The following BMPR1B variants were observed in gnomAD, a reference collection of about 807,000 sequenced individuals.
BMPR1B encodes the protein bone morphogenetic protein receptor type 1B.
BMPR1B carries 12 observed loss-of-function variants against 59.1 expected under a neutral mutation model. That is an observed-to-expected ratio of 0.20 (90% CI 0.13 to 0.33). The LOEUF (loss-of-function observed/expected upper bound fraction) is 0.33. BMPR1B is among the 10% of genes least tolerant of loss of function. The pLI is 1.00. For missense variants in BMPR1B, 550 were observed against 610.9 expected (o/e 0.90, Z 1.05); for synonymous variants, 237 against 207.3 (o/e 1.14, Z -1.23).
chr4:95,108,344 G>T lies in BMPR1B; in HGVS notation c.143+3777G>T, dbSNP rs1731340988. The stretch of plus-strand genomic sequence containing the variant: ...GTTGTATTTTCTAATGTGTACCTTA[G>T]AAAAGGGCTGGTCTAAATTGTCTGG... On this transcript the variant is annotated intron_variant, in intron 4 of 12. Coordinates refer to ENST00000515059, the MANE Select transcript of BMPR1B (RefSeq NM_001203.3). Among the ~76,000 whole-genome samples, 3 of 152,062 alleles carry T rather than the reference G, an allele frequency of 2.0e-5. No homozygotes were observed. The South Asian group carries it at 6.2e-4, about 32-fold the overall frequency.
intron 1 of BMPR1B, among the ~76,000 whole-genome samples, chr4:94,795,994 T>C (rs939933528): frequency 1.3e-5 from 2 of 151,408 alleles, no homozygotes; most frequent in African/African-American, 4.9e-5. Context: ...AGATGGAGTC[T>C]CCGTCTGTCT....
At chr4:95,131,017 A>G (rs1456860948) in intron 9 of BMPR1B, among the ~76,000 whole-genome samples, 198 bp from the exon 10 acceptor site, 2 of 152,078 alleles carry the variant, frequency 1.3e-5, no homozygotes, top group Admixed American at 6.6e-5. Context: ...GGTGTGAGCC[A>G]CTGTGCCTAG....
At chr4:94,931,907 G>A (rs1329308890) in intron 2 of BMPR1B, among the ~76,000 whole-genome samples, 1 of 151,972 alleles carries the variant, frequency 6.6e-6, no homozygotes, top group Non-Finnish European at 1.5e-5. Context: ...GTGGGGGAGT[G>A]TGAGGTGGAA....
chr4:94,885,769 G>C (rs868842025), intron 2 of BMPR1B, among the ~76,000 whole-genome samples: 1 of 151,964 alleles, frequency 6.6e-6, no homozygotes. Flanking sequence ...AAAACATATT[G>C]CTGACCTGGA....
At chr4:94,942,132 T>C (rs1165003800) in intron 2 of BMPR1B, among the ~76,000 whole-genome samples, 1 of 152,218 alleles carries the variant, frequency 6.6e-6, no homozygotes, top group Admixed American at 6.5e-5. Context: ...ATAAGTGGGA[T>C]TTTCCTTTAA....
chr4:95,015,266 A>G (rs1723506940), intron 3 of BMPR1B, among the ~76,000 whole-genome samples: 1 of 152,130 alleles, frequency 6.6e-6, no homozygotes, highest in African/African-American at 2.4e-5. Context: ...AGTAGTAAAA[A>G]TTTTCAATCG....
intron 5 of BMPR1B, among the ~76,000 whole-genome samples, chr4:95,115,087 A>G (rs1002263429): frequency 3.9e-5 from 6 of 152,118 alleles, no homozygotes; most frequent in Admixed American, 1.3e-4. Context: ...CTACAGTATT[A>G]AGTTCAGTGA....
intron 2 of BMPR1B, among the ~76,000 whole-genome samples, chr4:94,956,668 T>C (rs921930907): frequency 5.3e-5 from 8 of 152,206 alleles, no homozygotes. Context: ...TTAACAACTT[T>C]AACAGATTTA....
chr4:95,012,172 A>G (rs1455358102), intron 3 of BMPR1B, among the ~76,000 whole-genome samples: 1 of 152,230 alleles, frequency 6.6e-6, no homozygotes, highest in Admixed American at 6.5e-5. Context: ...TTGCTCTTTA[A>G]TCATAAATAC....
At position 94,857,185 on chromosome 4, in the gene BMPR1B, A is replaced by G. The variant is rs530697956; in HGVS notation, c.-182-18646A>G. Among the ~76,000 whole-genome samples, 3 of 152,326 alleles carry G rather than the reference A, an allele frequency of 2.0e-5. No homozygotes were observed. In the East Asian group the frequency reaches 5.8e-4, roughly 29 times the overall value. ...AAGATAAATGCAAATGTCTGATAAA[A>G]TATGAAAAAAAGGCCTTACTCTTAT... is the stretch of plus-strand genomic sequence containing the variant. On this transcript the variant is annotated intron_variant, in intron 1 of 12. Transcript: ENST00000515059.
At chr4:94,981,178 G>A (rs1721056540) in intron 2 of BMPR1B, among the ~76,000 whole-genome samples, 1 of 149,840 alleles carries the variant, frequency 6.7e-6, no homozygotes, top group South Asian at 2.1e-4. Flanking sequence ...CTTTGGGTAG[G>A]TAAATAATGG....
rs114666817 is a variant in BMPR1B at position 95,070,930 on chromosome 4, A to G, written c.-17-33478A>G. On this transcript the variant is annotated intron_variant, in intron 3 of 12. Coordinates refer to ENST00000515059, the MANE Select transcript of BMPR1B (RefSeq NM_001203.3). ...CTCAAACTCTTTATTTTGCTTTCAT[A>G]GCCATTTCCTTTTGTTGAAAACATG... 3.7e-3 allele frequency among the ~76,000 whole-genome samples: 556 copies of G among 152,220 alleles called. 2 individuals are homozygous for G. Among genetic ancestry groups the G allele is most frequent in the African/African-American group, 0.013 (530 of 41,544 alleles).
chr4:94,857,506 G>T (rs954379355), intron 1 of BMPR1B, among the ~76,000 whole-genome samples: 4 of 152,106 alleles, frequency 2.6e-5, no homozygotes, highest in African/African-American at 2.4e-5. Flanking sequence ...TAAAATCATG[G>T]TTTAAAAAAT....
At chr4:95,062,129 A>G (rs1485616355) in intron 3 of BMPR1B, among the ~76,000 whole-genome samples, 6 of 152,024 alleles carry the variant, frequency 3.9e-5, no homozygotes, top group Non-Finnish European at 5.9e-5. Flanking sequence ...TTCATAAATC[A>G]TGCATTCTCA....
chr4:95,134,986 T>C (rs1397126757), intron 10 of BMPR1B, among the ~76,000 whole-genome samples: 1 of 152,242 alleles, frequency 6.6e-6, no homozygotes, highest in Non-Finnish European at 1.5e-5. Context: ...GTGGTTTTTA[T>C]GGTTTTAGGT....
At chr4:94,939,397 G>T (rs1729430145) in intron 2 of BMPR1B, among the ~76,000 whole-genome samples, 1 of 152,144 alleles carries the variant, frequency 6.6e-6, no homozygotes, top group African/African-American at 2.4e-5. Flanking sequence ...AATAGTTCTT[G>T]ACAGTGTGGG....
At chr4:94,791,117 A>G (rs1279486023) in intron 1 of BMPR1B, among the ~76,000 whole-genome samples, 1 of 152,016 alleles carries the variant, frequency 6.6e-6, no homozygotes, top group Non-Finnish European at 1.5e-5. Context: ...TAGTCTCCCA[A>G]GTTGCTGGGA....
intron 3 of BMPR1B, among the ~76,000 whole-genome samples, chr4:95,001,158 A>G (rs1361743669): frequency 1.3e-5 from 2 of 152,144 alleles, no homozygotes; most frequent in Non-Finnish European, 2.9e-5. Flanking sequence ...TTTGTTACAT[A>G]TGTATACATG....
intron 2 of BMPR1B, among the ~76,000 whole-genome samples, chr4:94,950,482 G>T (rs1314034862): frequency 6.6e-6 from 1 of 152,090 alleles, no homozygotes; most frequent in African/African-American, 2.4e-5. Context: ...TGTAAGGAAG[G>T]GGTCCAGTTT....
Sources: allele counts gnomAD v4.1 joint callset (sites outside exome capture counted in the v4.1 genomes callset), GRCh38; gene constraint gnomAD v4.1.1; transcripts MANE v1.5; gene names NCBI Gene and HGNC (gene_info 2026-07-23, HGNC 2026-07-21).